Variants in SLC44A5 observed in about 807,000 individuals in gnomAD.
SLC44A5 encodes choline transporter-like protein 5.
A neutral mutation model predicts 101.8 loss-of-function variants in SLC44A5; 57 were observed. The ratio of observed to expected loss-of-function variants is 0.56; its 90% confidence interval spans 0.45 to 0.70. The LOEUF (loss-of-function observed/expected upper bound fraction) is 0.70, where lower values mean the gene tolerates loss of function less well. Ranked by LOEUF, SLC44A5 falls within the 30% of genes least tolerant of loss-of-function variation. SLC44A5 has a pLI of 0.00. For missense variants in SLC44A5, 737 were observed against 853.1 expected (o/e 0.86, Z 1.70); for synonymous variants, 281 against 290.9 (o/e 0.97, Z 0.35).
At chr1:75,554,050 G>A (rs1262325720) in intron 1 of SLC44A5, among the ~76,000 whole-genome samples, 1 of 152,190 alleles carries the variant, frequency 6.6e-6, no homozygotes. Context: ...ATTTGAAGCC[G>A]TGTGTAAGAA....
chr1:75,402,879 A>C (rs1194424782), intron 2 of SLC44A5, among the ~76,000 whole-genome samples: 1 of 152,176 alleles, frequency 6.6e-6, no homozygotes, highest in African/African-American at 2.4e-5. Flanking sequence ...TGCTGAAGCC[A>C]GGGAGCCAAG....
At position 75,396,612 on chromosome 1, in the gene SLC44A5, G is replaced by T. The variant is rs1376567219; in HGVS notation, c.23C>A (p.Ala8Glu). The T allele has an allele frequency of 1.9e-6, 3 of 1,612,772 alleles. No homozygotes were observed. In the Admixed American group the frequency reaches 5.0e-5, roughly 27 times the overall value. Reference sequence around the variant, plus strand: ...GTCCTCTTCCTCAGAGGGAGTATCTGCTGGTTTTTCTAGGAAAAAGCACAA... The same window carrying T: ...GTCCTCTTCCTCAGAGGGAGTATCTTCTGGTTTTTCTAGGAAAAAGCACAA... MNDTEKP[A>E]DTPSEEEDFG... The change falls in exon 3 of 24, where the codon GCA (alanine) becomes GAA (glutamate). Residue 8 changes from alanine to glutamate, a missense_variant. This residue lies in a region of SLC44A5 where 665 missense variants were observed against 764.4 expected (regional missense o/e 0.87). Coordinates refer to ENST00000370859, the MANE Select transcript of SLC44A5 (RefSeq NM_001130058.2).
chr1:75,644,054 C>T, the SLC44A5 span, among the ~76,000 whole-genome samples: 1 of 152,084 alleles, frequency 6.6e-6, no homozygotes, highest in Non-Finnish European at 1.5e-5. Context: ...TGACTGTGCC[C>T]ATTCACTAGT....
chr1:75,387,257 A>G (rs1458020709), intron 3 of SLC44A5, among the ~76,000 whole-genome samples: 3 of 151,586 alleles, frequency 2.0e-5, no homozygotes, highest in Non-Finnish European at 2.9e-5. Flanking sequence ...AGAAACTACC[A>G]TCAGAGTGAA....
the SLC44A5 span, among the ~76,000 whole-genome samples, chr1:75,699,011 C>T: frequency 3.5e-3 from 536 of 152,190 alleles, 2 homozygotes; most frequent in African/African-American, 0.012. Context: ...TGTGAAAAGA[C>T]CAAATCTACA....
intron 2 of SLC44A5, among the ~76,000 whole-genome samples, chr1:75,414,215 C>T (rs530334765): frequency 4.6e-5 from 7 of 151,900 alleles, no homozygotes; most frequent in East Asian, 3.9e-4. Flanking sequence ...ATATTCTTCC[C>T]GACCACTGAC....
At chr1:75,395,917 G>T (rs1662094583) in intron 3 of SLC44A5, among the ~76,000 whole-genome samples, 1 of 152,106 alleles carries the variant, frequency 6.6e-6, no homozygotes, top group Non-Finnish European at 1.5e-5. Flanking sequence ...CCGAGTAAAA[G>T]TACTTATTTA....
At chr1:75,707,173 T>C in the SLC44A5 span, among the ~76,000 whole-genome samples, 1 of 152,194 alleles carries the variant, frequency 6.6e-6, no homozygotes, top group Non-Finnish European at 1.5e-5. Context: ...AACAAATTAA[T>C]AAATGCCAGG....
At chr1:75,597,581 T>C (rs953605609) in intron 1 of SLC44A5, among the ~76,000 whole-genome samples, 1 of 152,130 alleles carries the variant, frequency 6.6e-6, no homozygotes, top group African/African-American at 2.4e-5. Context: ...AACACCATGG[T>C]ACTGTTACAA....
chr1:75,312,598 C>T (rs1224569611), intron 4 of SLC44A5, among the ~76,000 whole-genome samples: 1 of 151,688 alleles, frequency 6.6e-6, no homozygotes, highest in East Asian at 1.9e-4. Flanking sequence ...TTGATGTAGC[C>T]CCTCGATCTT....
chr1:75,338,027 G>C (rs181349913), intron 4 of SLC44A5, among the ~76,000 whole-genome samples: 24 of 152,322 alleles, frequency 1.6e-4, no homozygotes, highest in African/African-American at 5.5e-4. Context: ...GGTAAGGACA[G>C]TATAGAACCC....
intron 3 of SLC44A5, among the ~76,000 whole-genome samples, chr1:75,370,935 C>T (rs1015984422): frequency 6.6e-6 from 1 of 152,140 alleles, no homozygotes; most frequent in East Asian, 1.9e-4. Flanking sequence ...CATGAAACAA[C>T]GTACATGTGC....
At chr1:75,239,976 T>C (rs1648474168) in intron 9 of SLC44A5, among the ~76,000 whole-genome samples, 1 of 152,068 alleles carries the variant, frequency 6.6e-6, no homozygotes, top group South Asian at 2.1e-4. Context: ...CTGTGCACTC[T>C]TTCCCTTTCT....
intron 2 of SLC44A5, among the ~76,000 whole-genome samples, chr1:75,519,200 G>A (rs553525892): frequency 4.6e-5 from 7 of 152,152 alleles, no homozygotes; most frequent in Admixed American, 1.3e-4. Context: ...AAGTGTGAGC[G>A]CTTTCAGGAG....
intron 1 of SLC44A5, among the ~76,000 whole-genome samples, chr1:75,605,877 A>G (rs1003257274): frequency 6.6e-6 from 1 of 152,050 alleles, no homozygotes; most frequent in Non-Finnish European, 1.5e-5. Flanking sequence ...AAGAAAGGAA[A>G]GATGATAGGG....
chr1:75,368,374 G>A (rs1212735969), intron 3 of SLC44A5, among the ~76,000 whole-genome samples: 2 of 152,160 alleles, frequency 1.3e-5, no homozygotes, highest in Admixed American at 6.5e-5. Flanking sequence ...AATACAAAAA[G>A]TCTGCCCTCT....
At chr1:75,207,632 G>T (rs1646774475) in intron 23 of SLC44A5, among the ~76,000 whole-genome samples, 1 of 152,070 alleles carries the variant, frequency 6.6e-6, no homozygotes. Flanking sequence ...AAAATGAAAA[G>T]CAAAAGAGGG....
intron 2 of SLC44A5, among the ~76,000 whole-genome samples, chr1:75,446,169 C>T (rs370490961): frequency 3.9e-5 from 6 of 152,162 alleles, no homozygotes; most frequent in African/African-American, 9.7e-5. Context: ...CTTTTAAAAA[C>T]GGATCAAGTC....
At chr1:75,692,484 C>A in the SLC44A5 span, among the ~76,000 whole-genome samples, 24 of 152,064 alleles carry the variant, frequency 1.6e-4, no homozygotes, top group African/African-American at 5.8e-4. Flanking sequence ...CATGAGCCAC[C>A]GCAGCCGGCC....
Sources: gnomAD v4.1 joint callset for allele counts (sites outside exome capture counted in the v4.1 genomes callset) on GRCh38, gnomAD v4.1.1 for gene constraint, gnomAD v4.1.1 regional missense constraint, MANE v1.5 for transcripts, NCBI Gene and HGNC (gene_info 2026-07-23, HGNC 2026-07-21) for gene names.